MAF: variants seen among roughly 807,000 people sequenced by gnomAD.
The protein encoded by MAF is MAF bZIP transcription factor, also known as transcription factor Maf.
In MAF, 10 loss-of-function variants were observed where a neutral mutation model predicts 22.0. That is an observed-to-expected ratio of 0.45 (90% CI 0.28 to 0.77). The LOEUF is 0.77. MAF is among the 30% of genes least tolerant of loss of function. The pLI is 0.12. For missense variants in MAF, 544 were observed against 548.4 expected (o/e 0.99, Z 0.08); for synonymous variants, 337 against 255.8 (o/e 1.32, Z -3.03).
chr16:79,460,868 A>G, the MAF span, among the ~76,000 whole-genome samples: 1 of 152,142 alleles, frequency 6.6e-6, no homozygotes, highest in Non-Finnish European at 1.5e-5. Context: ...ACATTTTCCA[A>G]CTTTTTGTTG....
At chr16:79,442,565 A>G in the MAF span, among the ~76,000 whole-genome samples, 1 of 151,774 alleles carries the variant, frequency 6.6e-6, no homozygotes, top group South Asian at 2.1e-4. Context: ...TTTTAGTGAC[A>G]GGGTCTTGCA....
At chr16:79,331,459 A>T in the MAF span, among the ~76,000 whole-genome samples, 2 of 152,138 alleles carry the variant, frequency 1.3e-5, no homozygotes, top group South Asian at 2.1e-4. Context: ...CTAACTTTGA[A>T]GTTTGCCTTT....
chr16:79,353,608 G>C, the MAF span, among the ~76,000 whole-genome samples: 1 of 152,046 alleles, frequency 6.6e-6, no homozygotes, highest in Admixed American at 6.5e-5. Context: ...TGTCCTGCTA[G>C]GATCCTGGTG....
the MAF span, among the ~76,000 whole-genome samples, chr16:79,335,374 T>C: frequency 6.6e-6 from 1 of 152,136 alleles, no homozygotes. Context: ...GCAGAGAGCT[T>C]GTTAAACTGG....
At chr16:79,223,792 CT>C in the MAF span, among the ~76,000 whole-genome samples, 1 of 152,090 alleles carries the variant, frequency 6.6e-6, no homozygotes, top group African/African-American at 2.4e-5. Context: ...CATATACACC[CT>C]CCCAAGACTC....
At chr16:79,463,114 C>A in the MAF span, among the ~76,000 whole-genome samples, 1 of 152,146 alleles carries the variant, frequency 6.6e-6, no homozygotes, top group Non-Finnish European at 1.5e-5. Context: ...GAAGGAAAAG[C>A]AAATGCAAAG....
the MAF span, among the ~76,000 whole-genome samples, chr16:79,481,165 C>T: frequency 7.9e-5 from 12 of 152,086 alleles, no homozygotes; most frequent in Non-Finnish European, 1.8e-4. Context: ...CCTGTTCAAT[C>T]ACTTACTACC....
At chr16:79,485,486 T>A in the MAF span, among the ~76,000 whole-genome samples, 1 of 152,196 alleles carries the variant, frequency 6.6e-6, no homozygotes, top group Non-Finnish European at 1.5e-5. Flanking sequence ...AGAGCTGAGT[T>A]TTATCATTCT....
chr16:79,550,476 A>G, the MAF span, among the ~76,000 whole-genome samples: 2 of 152,030 alleles, frequency 1.3e-5, no homozygotes, highest in African/African-American at 2.4e-5. Flanking sequence ...AGTCAGTAAA[A>G]CCTGCGAAAC....
the MAF span, among the ~76,000 whole-genome samples, chr16:79,472,328 A>T: frequency 6.6e-6 from 1 of 152,370 alleles, no homozygotes; most frequent in Non-Finnish European, 1.5e-5. Context: ...GAATTCACTC[A>T]TAAAGACATT....
At chr16:79,423,739 G>C in the MAF span, among the ~76,000 whole-genome samples, 1 of 152,164 alleles carries the variant, frequency 6.6e-6, no homozygotes, top group Admixed American at 6.5e-5. Context: ...AGGAATCAAA[G>C]TGCAAGAGCT....
the MAF span, among the ~76,000 whole-genome samples, chr16:79,414,037 T>A: frequency 2.0e-4 from 31 of 152,312 alleles, no homozygotes; most frequent in African/African-American, 6.3e-4. Context: ...ATCCTTCCTG[T>A]ACCTTTTAGG....
the MAF span, among the ~76,000 whole-genome samples, chr16:79,535,354 T>A: frequency 4.6e-4 from 70 of 151,502 alleles, no homozygotes; most frequent in Non-Finnish European, 9.4e-4. Flanking sequence ...CCTTAGGCAA[T>A]CATGTACTAA....
the MAF span, among the ~76,000 whole-genome samples, chr16:79,564,943 G>C: frequency 4.6e-5 from 7 of 152,120 alleles, no homozygotes; most frequent in African/African-American, 1.7e-4. Context: ...GGGTGGGCTG[G>C]TGTAAAAAAT....
the MAF span, among the ~76,000 whole-genome samples, chr16:79,375,571 A>T: frequency 6.6e-6 from 1 of 152,056 alleles, no homozygotes; most frequent in African/African-American, 2.4e-5. Flanking sequence ...ATGATGATGA[A>T]GATGATGATG....
chr16:79,526,642 G>T, the MAF span, among the ~76,000 whole-genome samples: 1 of 151,908 alleles, frequency 6.6e-6, no homozygotes, highest in Non-Finnish European at 1.5e-5. Context: ...AGGCTTTCCG[G>T]GGCAAAAAAC....
At chr16:79,349,122 G>C in the MAF span, among the ~76,000 whole-genome samples, 1 of 152,356 alleles carries the variant, frequency 6.6e-6, no homozygotes, top group East Asian at 1.9e-4. Flanking sequence ...TTCAGTGGCG[G>C]GGTTATTAAC....
the MAF span, among the ~76,000 whole-genome samples, chr16:79,369,135 C>A: frequency 6.6e-6 from 1 of 152,236 alleles, no homozygotes; most frequent in Non-Finnish European, 1.5e-5. Flanking sequence ...CAACTCTTCA[C>A]AATCAGCTTT....
chr16:79,449,439 A>G, the MAF span, among the ~76,000 whole-genome samples: 2 of 152,246 alleles, frequency 1.3e-5, no homozygotes, highest in East Asian at 3.8e-4. Context: ...AGAACCCGCA[A>G]TAGCTGTGCG....
Sources: allele counts gnomAD v4.1 joint callset (sites outside exome capture counted in the v4.1 genomes callset), GRCh38; gene constraint gnomAD v4.1.1; transcripts MANE v1.5; gene names NCBI Gene and HGNC (gene_info 2026-07-23, HGNC 2026-07-21).